AGMO: variants seen among roughly 807,000 people sequenced by gnomAD.
The protein encoded by AGMO is glyceryl-ether monooxygenase.
A neutral mutation model predicts 60.2 loss-of-function variants in AGMO; 75 were observed. The observed-to-expected ratio is 1.25, with a 90% CI of 1.03 to 1.51. The LOEUF (loss-of-function observed/expected upper bound fraction) is 1.51. Among genes scored for constraint, AGMO ranks in the 40% most tolerant of loss-of-function variants. AGMO has a pLI of 0.00. For missense variants in AGMO, 763 were observed against 525.5 expected (o/e 1.45, Z -4.42); for synonymous variants, 261 against 177.1 (o/e 1.47, Z -3.76).
intron 3 of AGMO, among the ~76,000 whole-genome samples, chr7:15,487,921 A>G (rs1216928898): frequency 6.6e-6 from 1 of 152,210 alleles, no homozygotes; most frequent in Non-Finnish European, 1.5e-5. Context: ...ATCTCCTGAG[A>G]AAAATAATCT....
At chr7:15,527,480 G>C (rs1480324824) in intron 3 of AGMO, among the ~76,000 whole-genome samples, 3 of 152,150 alleles carry the variant, frequency 2.0e-5, no homozygotes. Context: ...AAAGCTTGAA[G>C]TTAGCAGAGG....
intron 12 of AGMO, among the ~76,000 whole-genome samples, chr7:15,209,150 T>C (rs967513869): frequency 2.6e-5 from 4 of 152,182 alleles, no homozygotes; most frequent in Admixed American, 2.6e-4. Flanking sequence ...CGATTTTCAG[T>C]GTATTCCAAA....
intron 3 of AGMO, among the ~76,000 whole-genome samples, chr7:15,487,744 GA>G (rs141582596): frequency 1.1e-3 from 159 of 149,044 alleles, no homozygotes; most frequent in African/African-American, 3.5e-3. Context: ...ATATTTTGGG[GA>G]AAAAAAAACA....
chr7:15,406,284 A>G (rs202069930), intron 5 of AGMO, among the ~76,000 whole-genome samples: 4 of 126,716 alleles, frequency 3.2e-5, no homozygotes, highest in African/African-American at 6.1e-5. Context: ...ATGTACACAT[A>G]TGTGTGTATA....
intron 12 of AGMO, among the ~76,000 whole-genome samples, chr7:15,304,855 C>A (rs1038899039): frequency 3.9e-5 from 6 of 151,904 alleles, no homozygotes; most frequent in African/African-American, 1.4e-4. Flanking sequence ...TATTATTATT[C>A]TTTCAGTTAC....
At chr7:15,220,845 T>C (rs2128496823) in intron 12 of AGMO, among the ~76,000 whole-genome samples, 1 of 152,222 alleles carries the variant, frequency 6.6e-6, no homozygotes, top group East Asian at 1.9e-4. Context: ...CTGAAATTAA[T>C]CTAATTATGT....
chr7:15,302,332 A>G (rs927711023), intron 12 of AGMO, among the ~76,000 whole-genome samples: 4 of 152,162 alleles, frequency 2.6e-5, no homozygotes, highest in African/African-American at 9.6e-5. Context: ...TTCTAACCAA[A>G]AATTAGACCA....
At chr7:15,133,427 G>T in the AGMO span, among the ~76,000 whole-genome samples, 1 of 152,092 alleles carries the variant, frequency 6.6e-6, no homozygotes, top group East Asian at 1.9e-4. Context: ...GTTATTGTAC[G>T]GATCATGGAC....
At chr7:15,284,882 G>A (rs185200044) in intron 12 of AGMO, among the ~76,000 whole-genome samples, 1 of 152,002 alleles carries the variant, frequency 6.6e-6, no homozygotes, top group Non-Finnish European at 1.5e-5. Flanking sequence ...AATAAATCAT[G>A]ATCAAGTGGG....
At chr7:15,503,198 T>C (rs979044089) in intron 3 of AGMO, among the ~76,000 whole-genome samples, 3 of 151,992 alleles carry the variant, frequency 2.0e-5, no homozygotes, top group African/African-American at 7.2e-5. Flanking sequence ...GGTTAGAAGG[T>C]ACACCTGTTA....
At chr7:15,381,577 G>A (rs778826919) in intron 10 of AGMO, among the ~76,000 whole-genome samples, 33 of 152,144 alleles carry the variant, frequency 2.2e-4, no homozygotes, top group Non-Finnish European at 4.4e-4. Flanking sequence ...CTGTTGGTGG[G>A]AATGTAAATT....
intron 12 of AGMO, among the ~76,000 whole-genome samples, chr7:15,334,228 T>C (rs1260705705): frequency 4.0e-5 from 6 of 151,108 alleles, no homozygotes; most frequent in Admixed American, 3.3e-4. Flanking sequence ...TGAAATGACA[T>C]ATAGAAATGT....
rs561129605 is a variant in AGMO, at chr7:15,378,650, C to T, written c.1074+6796G>A. 1.4e-4 allele frequency among the ~76,000 whole-genome samples: 21 copies of T among 151,936 alleles called. No individual in the cohort carries two copies. In the South Asian group the frequency reaches 4.4e-3, roughly 32 times the overall value. On this transcript the variant is annotated intron_variant, in intron 10 of 12. Coordinates refer to ENST00000342526, the MANE Select transcript of AGMO (RefSeq NM_001004320.2). ...TTAGATCATCCAGACAGAGAATTAA[C>T]AAAGATATGCAGCACCTGAACTCAG...
chr7:15,474,591 G>A (rs192267398), intron 3 of AGMO, among the ~76,000 whole-genome samples: 2 of 151,824 alleles, frequency 1.3e-5, no homozygotes, highest in African/African-American at 4.8e-5. Flanking sequence ...AATGATAAAA[G>A]ACCTAGAATA....
intron 3 of AGMO, among the ~76,000 whole-genome samples, chr7:15,481,789 A>ATTT (rs5882513): frequency 2.3e-3 from 230 of 98,438 alleles, no homozygotes; most frequent in Middle Eastern, 6.1e-3. Flanking sequence ...GACTAAATGT[A>ATTT]TTTTTTTTTT....
chr7:15,439,812 G>C (rs1781499948), intron 3 of AGMO, among the ~76,000 whole-genome samples: 1 of 152,066 alleles, frequency 6.6e-6, no homozygotes, highest in African/African-American at 2.4e-5. Context: ...GCGTGATATA[G>C]TGTGAAACAT....
At chr7:15,472,292 G>C (rs887945851) in intron 3 of AGMO, among the ~76,000 whole-genome samples, 1 of 151,804 alleles carries the variant, frequency 6.6e-6, no homozygotes, top group Non-Finnish European at 1.5e-5. Context: ...TCATTGAGTA[G>C]AAAGAATAAT....
chr7:15,246,131 A>C (rs1223665681), intron 12 of AGMO, among the ~76,000 whole-genome samples: 1 of 152,240 alleles, frequency 6.6e-6, no homozygotes, highest in Admixed American at 6.5e-5. Flanking sequence ...GTAATAATTC[A>C]AACTACATTT....
chr7:15,329,062 C>T (rs1316980211), intron 12 of AGMO, among the ~76,000 whole-genome samples: 1 of 152,134 alleles, frequency 6.6e-6, no homozygotes, highest in Non-Finnish European at 1.5e-5. Context: ...CTCCCCTGCA[C>T]CTCAAAAGTG....
Sources: gnomAD v4.1 joint callset for allele counts (sites outside exome capture counted in the v4.1 genomes callset) on GRCh38, gnomAD v4.1.1 for gene constraint, MANE v1.5 for transcripts, NCBI Gene and HGNC (gene_info 2026-07-23, HGNC 2026-07-21) for gene names.